LRGUK: variants seen among roughly 807,000 people sequenced by gnomAD.
LRGUK encodes the protein leucine-rich repeat and guanylate kinase domain-containing protein.
A neutral mutation model predicts 76.0 loss-of-function variants in LRGUK; 65 were observed. The observed-to-expected ratio is 0.85, with a 90% CI of 0.70 to 1.05. The LOEUF is 1.05. LRGUK is among the 50% of genes least tolerant of loss of function. The probability of loss-of-function intolerance (pLI) is 0.00; values close to 1 mark genes in which losing one functional copy is unlikely to be tolerated. For missense variants in LRGUK, 758 were observed against 732.8 expected, an observed-to-expected ratio of 1.03 and a Z score of -0.40; for synonymous variants, 268 against 265.6, an observed-to-expected ratio of 1.01 and a Z score of -0.09.
chr7:134,156,748 A>T (rs571409400), intron 5 of LRGUK, among the ~76,000 whole-genome samples: 1 of 152,360 alleles, frequency 6.6e-6, no homozygotes, highest in East Asian at 1.9e-4. Flanking sequence ...AAAAAAAATT[A>T]ATCTGCCTAC....
chr7:134,248,965 C>A, exon 18 of LRGUK: 1 of 1,518,102 alleles, frequency 6.6e-7, no homozygotes, highest in Non-Finnish European at 8.9e-7. Context: ...CCAGTACCAG[C>A]ACCTCTCACC....
At chr7:134,199,983 T>C (rs1320739733) in intron 14 of LRGUK, among the ~76,000 whole-genome samples, 1 of 5,156 alleles carries the variant, frequency 1.9e-4, no homozygotes, top group East Asian at 0.01. Context: ...TAGAAACTTT[T>C]ATATATATAT....
chr7:134,268,480 G>A (rs917967217), downstream of LRGUK, among the ~76,000 whole-genome samples: 1 of 151,994 alleles, frequency 6.6e-6, no homozygotes, highest in Non-Finnish European at 1.5e-5. Context: ...GAATTAGGTT[G>A]AATTAAAGAA....
At chr7:134,135,647 A>T (rs1183131768) in intron 1 of LRGUK, among the ~76,000 whole-genome samples, 1 of 152,172 alleles carries the variant, frequency 6.6e-6, no homozygotes, top group African/African-American at 2.4e-5. Context: ...TGCCTGCCCA[A>T]TTCTGAAGCC....
intron 16 of LRGUK, among the ~76,000 whole-genome samples, chr7:134,233,686 A>G (rs1563194288): frequency 6.6e-6 from 1 of 152,200 alleles, no homozygotes; most frequent in Non-Finnish European, 1.5e-5. Context: ...TCTTTTACTC[A>G]GGTGCATTTT....
intron 14 of LRGUK, among the ~76,000 whole-genome samples, chr7:134,200,836 A>G (rs556639151): frequency 1.3e-5 from 2 of 152,310 alleles, no homozygotes; most frequent in East Asian, 3.9e-4. Context: ...GAAGTCTGGT[A>G]CAGCATAGGT....
downstream of LRGUK, among the ~76,000 whole-genome samples, chr7:134,214,917 G>A (rs1445448212): frequency 1.3e-5 from 2 of 151,942 alleles, no homozygotes; most frequent in African/African-American, 4.8e-5. Context: ...GAACAGACTG[G>A]CTTGCTCCAG....
intron 16 of LRGUK, among the ~76,000 whole-genome samples, chr7:134,240,598 G>T (rs1323497891): frequency 6.6e-6 from 1 of 152,216 alleles, no homozygotes. Context: ...GAAAGTGACT[G>T]GGAGAATGGA....
At position 134,156,345 on chromosome 7, in the gene LRGUK, T is replaced by G. The variant is rs1033270740; in HGVS notation, c.671-1690T>G. ...CTAGGTAGAATCTTTTGTCTGCTAGTATATATTGTGAATATGGTCTCCTAG... is the reference window on the plus strand; with the variant it reads ...CTAGGTAGAATCTTTTGTCTGCTAGGATATATTGTGAATATGGTCTCCTAG... On this transcript the variant is annotated intron_variant, in intron 5 of 15. Transcript: ENST00000645682. Among the ~76,000 whole-genome samples, 144 of 152,222 alleles carry G rather than the reference T, an allele frequency of 9.5e-4. 4 individuals are homozygous for G. The highest frequency in any genetic ancestry group is 9.4e-3 in the Admixed American group (144 of 15,288).
chr7:134,248,853 T>G, intron 17 of LRGUK, 98 bp from the exon 18 acceptor site: 1 of 947,554 alleles, frequency 1.1e-6, no homozygotes. Flanking sequence ...CTCATTGGCA[T>G]TTGCGTTTAT....
chr7:134,189,600 G>A (rs73441308), intron 11 of LRGUK, among the ~76,000 whole-genome samples: 4,329 of 152,196 alleles, frequency 0.028, 168 homozygotes, highest in African/African-American at 0.094. Context: ...TTTCTTTGAG[G>A]TATTCAGAAG....
intron 16 of LRGUK, among the ~76,000 whole-genome samples, chr7:134,241,727 T>C (rs1376807750): frequency 6.6e-6 from 1 of 152,156 alleles, no homozygotes; most frequent in African/African-American, 2.4e-5. Flanking sequence ...TACAGAACTC[T>C]CCACCCCAAA....
intron 3 of LRGUK, among the ~76,000 whole-genome samples, chr7:134,139,763 T>C (rs2116833336): frequency 6.6e-6 from 1 of 152,310 alleles, no homozygotes; most frequent in Admixed American, 6.5e-5. Flanking sequence ...GATGGAATGT[T>C]GGCTTTATTT....
chr7:134,208,286 C>G (rs1480379277), intron 15 of LRGUK, among the ~76,000 whole-genome samples: 2 of 152,156 alleles, frequency 1.3e-5, no homozygotes, highest in South Asian at 4.1e-4. Context: ...AATAAGGAAA[C>G]AAACAAATGG....
chr7:134,148,137 ACT>A, intron 4 of LRGUK, 99 bp from the exon 5 acceptor site: 1 of 716,060 alleles, frequency 1.4e-6, no homozygotes, highest in Non-Finnish European at 2.4e-6. Context: ...ATGAATTCTA[ACT>A]CTACATTCAA....
chr7:134,225,471 C>G (rs1399701427), intron 16 of LRGUK, among the ~76,000 whole-genome samples: 1 of 152,186 alleles, frequency 6.6e-6, no homozygotes, highest in African/African-American at 2.4e-5. Flanking sequence ...ATTTACTGAT[C>G]CCTGATGGTA....
chr7:134,235,575 A>T (rs1563195098), intron 16 of LRGUK, among the ~76,000 whole-genome samples: 1 of 151,916 alleles, frequency 6.6e-6, no homozygotes, highest in Non-Finnish European at 1.5e-5. Flanking sequence ...TCACCCTCTA[A>T]TGCATTAGGC....
chr7:134,131,361 C>A (rs1402556349), intron 1 of LRGUK, among the ~76,000 whole-genome samples: 2 of 152,186 alleles, frequency 1.3e-5, no homozygotes, highest in Non-Finnish European at 2.9e-5. Flanking sequence ...TCCCTGCTCT[C>A]AAAGTGAGAT....
intron 7 of LRGUK, among the ~76,000 whole-genome samples, chr7:134,165,640 A>G (rs992021586): frequency 1.3e-5 from 2 of 152,178 alleles, no homozygotes; most frequent in Non-Finnish European, 2.9e-5. Context: ...ATACAAACTT[A>G]TTGATGAGAT....
Sources: gnomAD v4.1 joint callset for allele counts (sites outside exome capture counted in the v4.1 genomes callset) on GRCh38, gnomAD v4.1.1 for gene constraint, MANE v1.5 for transcripts, NCBI Gene and HGNC (gene_info 2026-07-23, HGNC 2026-07-21) for gene names.